The following TRIM24 variants were observed in gnomAD, a reference collection of about 807,000 sequenced individuals.
The protein encoded by TRIM24 is transcription intermediary factor 1-alpha.
Under a neutral mutation model 123.9 loss-of-function variants are expected in TRIM24, and 29 were observed. The observed-to-expected ratio is 0.23, with a 90% confidence interval of 0.17 to 0.32. The LOEUF (loss-of-function observed/expected upper bound fraction) is 0.32, where lower values mean the gene tolerates loss of function less well. TRIM24 is among the 10% of genes least tolerant of loss of function. The pLI is 1.00. For synonymous variants in TRIM24, 456 were observed against 461.1 expected (o/e 0.99, Z 0.14); for missense variants, 932 against 1,295.3 (o/e 0.72, Z 4.31).
chr7:138,573,793 T>A, intron 12 of TRIM24, 151 bp downstream of exon 12: 3 of 945,780 alleles, frequency 3.2e-6, no homozygotes, highest in Non-Finnish European at 3.1e-6. Flanking sequence ...AAAACAAAGG[T>A]TAAATTTCTT....
chr7:138,496,861 T>G (rs145698976), intron 1 of TRIM24, among the ~76,000 whole-genome samples: 4 of 152,150 alleles, frequency 2.6e-5, no homozygotes, highest in Non-Finnish European at 4.4e-5. Flanking sequence ...CTTTTCTCCC[T>G]TATTTTGTTA....
At chr7:138,512,801 CT>C (rs1334378422) in intron 2 of TRIM24, among the ~76,000 whole-genome samples, 1 of 152,154 alleles carries the variant, frequency 6.6e-6, no homozygotes, top group African/African-American at 2.4e-5. Context: ...GGCCTTCCCC[CT>C]ACCCCCAGTT....
chr7:138,509,444 C>T (rs1796238396), intron 2 of TRIM24, among the ~76,000 whole-genome samples: 2 of 150,128 alleles, frequency 1.3e-5, no homozygotes, highest in African/African-American at 2.4e-5. Flanking sequence ...TGGCTTATGC[C>T]TGTAATCCCA....
intron 6 of TRIM24, among the ~76,000 whole-genome samples, chr7:138,536,103 A>T (rs1796867047): frequency 6.6e-6 from 1 of 152,092 alleles, no homozygotes; most frequent in African/African-American, 2.4e-5. Flanking sequence ...TGGTTATTCT[A>T]GTTAGCCATT....
chr7:138,475,567 G>A (rs1795378723), intron 1 of TRIM24, among the ~76,000 whole-genome samples: 1 of 152,096 alleles, frequency 6.6e-6, no homozygotes, highest in Non-Finnish European at 1.5e-5. Flanking sequence ...TCTCGCCCTG[G>A]CTATAGTGCA....
At chr7:138,496,759 G>A (rs889956784) in intron 1 of TRIM24, among the ~76,000 whole-genome samples, 4 of 151,372 alleles carry the variant, frequency 2.6e-5, no homozygotes, top group Non-Finnish European at 5.9e-5. Flanking sequence ...CCTCAGCCTC[G>A]CAAAGCACTG....
chr7:138,503,975 T>C (rs1796095581), intron 1 of TRIM24, among the ~76,000 whole-genome samples: 1 of 152,214 alleles, frequency 6.6e-6, no homozygotes, highest in South Asian at 2.1e-4. Flanking sequence ...ATCTCCCATA[T>C]GGTTCTGTAC....
At chr7:138,570,120 G>GTGTT (rs1797623229) in intron 10 of TRIM24, among the ~76,000 whole-genome samples, 1 of 151,914 alleles carries the variant, frequency 6.6e-6, no homozygotes. Flanking sequence ...GTTAATTTTT[G>GTGTT]TGTTTTAGTA....
chr7:138,556,154 T>C (rs1027517597), intron 9 of TRIM24: 1 of 152,174 alleles, frequency 6.6e-6, no homozygotes, highest in Non-Finnish European at 1.5e-5. Context: ...CTTCAATTCA[T>C]AAAATTTTCA....
chr7:138,500,563 CAA>C (rs773042715), intron 1 of TRIM24, among the ~76,000 whole-genome samples: 79 of 61,352 alleles, frequency 1.3e-3, no homozygotes, highest in Admixed American at 2.4e-3. Flanking sequence ...GACCTTGTTT[CAA>C]AAAAAAAAAA....
At chr7:138,503,055 C>A in intron 1 of TRIM24, among the ~76,000 whole-genome samples, 1 of 151,946 alleles carries the variant, frequency 6.6e-6, no homozygotes, top group Admixed American at 6.6e-5. Flanking sequence ...TCATTCCCCA[C>A]CCCCAATAGT....
chr7:138,581,892 A>ATAATACATAC, intron 17 of TRIM24, 121 bp downstream of exon 17: 2 of 729,246 alleles, frequency 2.7e-6, no homozygotes, highest in Non-Finnish European at 4.5e-6. Flanking sequence ...TTAAATCTTA[A>ATAATACATAC]TAATACATAC....
intron 4 of TRIM24, among the ~76,000 whole-genome samples, chr7:138,522,649 CA>C (rs769237116): frequency 2.2e-4 from 34 of 151,648 alleles, no homozygotes; most frequent in Non-Finnish European, 4.3e-4. Context: ...TAAACAAAGT[CA>C]TTTTTTTTTT....
At chr7:138,550,163 A>AAGTGGT (rs1400840117) in intron 7 of TRIM24, among the ~76,000 whole-genome samples, 1 of 152,160 alleles carries the variant, frequency 6.6e-6, no homozygotes, top group African/African-American at 2.4e-5. Context: ...TTAATGGCCT[A>AAGTGGT]CCTGAAGTAA....
rs755022139 is a variant in TRIM24, at chr7:138,504,340, A to G, written c.415A>G (p.Ile139Val). Residue 139 changes from isoleucine to valine, a missense_variant, in exon 2 of 19, where the codon ATC (isoleucine) becomes GTC (valine). This residue lies in a region of TRIM24 where 74 missense variants were observed against 163.6 expected (regional missense o/e 0.45). Transcript: ENST00000343526. ...VCSQECAERH[I>V]IDNFFVKDTT... Reference sequence around the variant, plus strand: ...CAGCCAAGAATGTGCAGAGAGACACATCATAGATAACTTTTTTGTGAAGGA... The same window carrying G: ...CAGCCAAGAATGTGCAGAGAGACACGTCATAGATAACTTTTTTGTGAAGGA... 6 of 1,603,298 alleles carry G rather than the reference A, an allele frequency of 3.7e-6. No homozygotes were observed. The highest frequency in any genetic ancestry group is 5.1e-6 in the Non-Finnish European group (6 of 1,175,698).
chr7:138,500,011 G>T (rs1447087028), intron 1 of TRIM24, among the ~76,000 whole-genome samples: 3 of 152,114 alleles, frequency 2.0e-5, no homozygotes, highest in Non-Finnish European at 4.4e-5. Flanking sequence ...GATTGGTGGT[G>T]ATCCATATCA....
In TRIM24 at chr7:138,587,003, A is replaced by G. The variant is rs547291090; in HGVS notation, c.*2052A>G. ...GTTTCACCCTAACCATCTTTGGCTG[A>G]ATGAAAGGCAGTTGAGAACCATCTT... On this transcript the variant is annotated 3_prime_UTR_variant, in exon 19 of 19. Coordinates refer to ENST00000343526, the MANE Select transcript of TRIM24 (RefSeq NM_015905.3). The G allele has an allele frequency of 6.6e-6, 1 of 152,336 alleles. No individual in the cohort carries two copies. The highest frequency in any genetic ancestry group is 2.4e-5 in the African/African-American group (1 of 41,574). 9.4% of individuals were successfully genotyped at this position (152,336 alleles called of 1,614,324 possible).
At chr7:138,487,704 C>A (rs933921200) in intron 1 of TRIM24, among the ~76,000 whole-genome samples, 2 of 152,152 alleles carry the variant, frequency 1.3e-5, no homozygotes, top group African/African-American at 4.8e-5. Flanking sequence ...CCCACTTGAT[C>A]TTGGTGAATA....
At chr7:138,532,876 T>C (rs1399439073) in intron 6 of TRIM24, among the ~76,000 whole-genome samples, 2 of 152,216 alleles carry the variant, frequency 1.3e-5, no homozygotes, top group African/African-American at 4.8e-5. Flanking sequence ...GTTTGTGTCC[T>C]CTTTTATTTT....
Sources: allele counts gnomAD v4.1 joint callset (sites outside exome capture counted in the v4.1 genomes callset), GRCh38; gene constraint gnomAD v4.1.1; regional missense constraint gnomAD v4.1.1; transcripts MANE v1.5; gene names NCBI Gene and HGNC (gene_info 2026-07-23, HGNC 2026-07-21).